The following EP300 variants were observed in gnomAD, a reference collection of about 807,000 sequenced individuals.
The protein encoded by EP300 is histone acetyltransferase p300.
Under a neutral mutation model 264.0 loss-of-function variants are expected in EP300, and 31 were observed. That is an observed-to-expected ratio of 0.12 (90% confidence interval 0.09 to 0.16). The LOEUF is 0.16. Among genes scored for constraint, EP300 ranks in the 10% least tolerant of loss-of-function variants. The pLI is 1.00. For synonymous variants in EP300, 1,340 were observed against 1,045.4 expected, an observed-to-expected ratio of 1.28 and a Z score of -5.44; for missense variants, 2,766 against 3,052.9, an observed-to-expected ratio of 0.91 and a Z score of 2.21.
At chr22:41,161,785 G>T (rs2145753907) in intron 20 of EP300, among the ~76,000 whole-genome samples, 1 of 152,222 alleles carries the variant, frequency 6.6e-6, no homozygotes, top group South Asian at 2.1e-4. Flanking sequence ...GAATTCTCTT[G>T]TTCCTAGTAA....
chr22:41,132,761 T>G (rs2058927857), intron 6 of EP300, among the ~76,000 whole-genome samples: 1 of 152,158 alleles, frequency 6.6e-6, no homozygotes, highest in Admixed American at 6.6e-5. Context: ...TTTCAAATAG[T>G]TTTTTTGTGA....
At chr22:41,159,281 G>A (rs1310712559) in intron 19 of EP300, 8 of 152,184 alleles carry the variant, frequency 5.3e-5, no homozygotes, top group Non-Finnish European at 1.2e-4. Context: ...CAAATCCATG[G>A]TGTTGGTTTT....
intron 12 of EP300, chr22:41,148,766 A>T (rs2059026363): frequency 4.0e-6 from 2 of 506,038 alleles, no homozygotes; most frequent in East Asian, 7.2e-5. Flanking sequence ...TGCTAGGCAT[A>T]TTTGTGTACC....
At chr22:41,158,788 T>C (rs2059091812) in intron 19 of EP300, 2 of 415,002 alleles carry the variant, frequency 4.8e-6, no homozygotes, top group South Asian at 2.4e-5. Context: ...CACTTCTCTT[T>C]CTACTGTGTG....
intron 1 of EP300, among the ~76,000 whole-genome samples, chr22:41,101,581 T>A (rs1016543797): frequency 6.6e-5 from 10 of 151,604 alleles, no homozygotes; most frequent in Non-Finnish European, 1.3e-4. Flanking sequence ...CCGGCTAATT[T>A]TTTGTATTTT....
At chr22:41,127,769 A>ACAGG in intron 4 of EP300, 21 bp downstream of exon 4, 1 of 1,613,938 alleles carries the variant, frequency 6.2e-7, no homozygotes, top group South Asian at 1.1e-5. Flanking sequence ...CCACAGGGTT[A>ACAGG]CTGTACTTAG....
At chr22:41,130,875 C>G (rs1437045139) in intron 5 of EP300, among the ~76,000 whole-genome samples, 1 of 150,894 alleles carries the variant, frequency 6.6e-6, no homozygotes, top group Non-Finnish European at 1.5e-5. Flanking sequence ...TCTATAGCAA[C>G]AAAAATTTAA....
At chr22:41,152,657 A>G (rs913993720) in intron 16 of EP300, among the ~76,000 whole-genome samples, 6 of 152,190 alleles carry the variant, frequency 3.9e-5, no homozygotes, top group African/African-American at 1.4e-4. Context: ...AGCCTTGACT[A>G]AAATGCAGGA....
At chr22:41,157,011 A>G (rs2059081091) in intron 17 of EP300, among the ~76,000 whole-genome samples, 158 bp from the exon 18 acceptor site, 1 of 152,206 alleles carries the variant, frequency 6.6e-6, no homozygotes, top group African/African-American at 2.4e-5. Flanking sequence ...GTAAACTAAT[A>G]TTTAAAGAAG....
chr22:41,097,845 C>T (rs975656960), intron 1 of EP300, among the ~76,000 whole-genome samples: 3 of 151,888 alleles, frequency 2.0e-5, no homozygotes, highest in African/African-American at 7.3e-5. Context: ...CAGGCGCCTG[C>T]CACCATGCCC....
intron 21 of EP300, among the ~76,000 whole-genome samples, chr22:41,163,545 G>A (rs1271472526): frequency 1.3e-5 from 2 of 151,712 alleles, no homozygotes; most frequent in Non-Finnish European, 2.9e-5. Flanking sequence ...TCAAGAGTTC[G>A]AGACCAGCCT....
chr22:41,110,307 T>A (rs1331094310), intron 1 of EP300, among the ~76,000 whole-genome samples: 1 of 115,812 alleles, frequency 8.6e-6, no homozygotes, highest in African/African-American at 3.4e-5. Context: ...TTTTTTTTTT[T>A]TTTTTTTTTT....
At chr22:41,102,032 T>C (rs1176661600) in intron 1 of EP300, among the ~76,000 whole-genome samples, 1 of 149,728 alleles carries the variant, frequency 6.7e-6, no homozygotes, top group Non-Finnish European at 1.5e-5. Flanking sequence ...TTCTTTTCTT[T>C]TTTTTTTTTT....
chr22:41,158,659 GAAC>G, intron 19 of EP300, 159 bp downstream of exon 19: 1 of 655,786 alleles, frequency 1.5e-6, no homozygotes, highest in Non-Finnish European at 2.7e-6. Flanking sequence ...TTTGTTTGCA[GAAC>G]AATAAAATTT....
chr22:41,167,576 GTGTGTGTGTATATA>G (rs1279061525), intron 23 of EP300, among the ~76,000 whole-genome samples: 30 of 29,498 alleles, frequency 1.0e-3, no homozygotes, highest in African/African-American at 3.4e-3. Flanking sequence ...GTGTGTGTGT[GTGTGTGTGTATATA>G]TATATATATA....
intron 21 of EP300, among the ~76,000 whole-genome samples, chr22:41,162,985 T>C (rs2059115856): frequency 6.6e-6 from 1 of 152,224 alleles, no homozygotes; most frequent in Non-Finnish European, 1.5e-5. Flanking sequence ...TTCTTAATGT[T>C]GAATGTGAAA....
intron 4 of EP300, among the ~76,000 whole-genome samples, chr22:41,128,994 A>G (rs1453891726): frequency 6.6e-6 from 1 of 151,710 alleles, no homozygotes; most frequent in Non-Finnish European, 1.5e-5. Flanking sequence ...TAGTGACGTT[A>G]TTTTAGGAAA....
intron 10 of EP300, among the ~76,000 whole-genome samples, chr22:41,145,114 C>T (rs2059003379): frequency 6.6e-6 from 1 of 151,988 alleles, no homozygotes; most frequent in African/African-American, 2.4e-5. Context: ...ATATTGTTGA[C>T]TTGAAAAAAA....
intron 13 of EP300, among the ~76,000 whole-genome samples, chr22:41,149,500 C>G (rs951697464): frequency 1.3e-5 from 2 of 152,170 alleles, no homozygotes; most frequent in Non-Finnish European, 2.9e-5. Context: ...CTAGAGCACT[C>G]TGCACTCAAT....
Sources: gnomAD v4.1 joint callset for allele counts (sites outside exome capture counted in the v4.1 genomes callset) on GRCh38, gnomAD v4.1.1 for gene constraint, MANE v1.5 for transcripts, NCBI Gene and HGNC (gene_info 2026-07-23, HGNC 2026-07-21) for gene names.